Variants in ADGRD2 observed in about 807,000 individuals in gnomAD.
ADGRD2 encodes the protein G protein-coupled receptor PGR24.
ADGRD2 carries 71 observed loss-of-function variants against 44.4 expected under a neutral mutation model. That is an observed-to-expected ratio of 1.60 (90% CI 1.32 to 1.95). ADGRD2 has a LOEUF of 1.95. Among genes scored for constraint, ADGRD2 ranks in the 30% most tolerant of loss-of-function variants. The pLI, the probability that ADGRD2 is intolerant of heterozygous loss-of-function variation, is 0.00. For synonymous variants in ADGRD2, 481 were observed against 224.8 expected (o/e 2.14, Z -10.19); for missense variants, 1,039 against 512.4 (o/e 2.03, Z -9.92).
rs528783137 is a variant in ADGRD2 at position 124,457,500 on chromosome 9, G to A, written c.1536G>A (p.Arg512=). The change falls in exon 8 of 22, where the codon AGG becomes AGA. Residue 512 remains arginine (R), a synonymous_variant. Transcript: ENST00000334810. The stretch of plus-strand genomic sequence containing the variant: ...TGGAGGTGCGGAGCTTACGCTTGAG[G>A]GAGGCCAGCACGAGGGGCTGCTTAT... 930 of 670,442 alleles carry A rather than the reference G, an allele frequency of 1.4e-3. 3 individuals are homozygous for A. The highest frequency in any genetic ancestry group is 1.9e-3 in the Non-Finnish European group (694 of 367,210). The allele number at this position is 670,442 out of a possible 1,614,324, so 41.5% of individuals were successfully genotyped here.
chr9:124,456,833 T>C, intron 7 of ADGRD2, 100 bp downstream of exon 10: 2 of 681,172 alleles, frequency 2.9e-6, no homozygotes, highest in South Asian at 3.1e-5. Flanking sequence ...CTCCATTCTA[T>C]TTCCTGCCTT....
chr9:124,470,453 A>G, intron 16 of ADGRD2, 41 bp from the exon 20 acceptor site: 1 of 696,742 alleles, frequency 1.4e-6, no homozygotes, highest in Non-Finnish European at 2.6e-6. Context: ...GGAGCTCCCC[A>G]GGCCTCCCAA....
exon 10 of ADGRD2, chr9:124,458,654 C>T (rs1374446728): frequency 1.4e-6 from 1 of 718,846 alleles, no homozygotes; most frequent in South Asian, 1.5e-5. Context: ...ATCATCTCCT[C>T]TGAAGTGTGG....
rs545086542 is a variant in ADGRD2, at chr9:124,468,104, C to A, written c.2149C>A (p.Arg717=). Residue 717 remains arginine, a synonymous_variant, in exon 13 of 22, where the codon CGA becomes AGA. Coordinates refer to ENST00000334810, the Ensembl canonical transcript of ADGRD2. Reference sequence around the variant, plus strand: ...CCTCTCCAGGGTCCCCAAGTCAGAGCGAACCACAGTCCACAAGAACCTCAC... The same window carrying A: ...CCTCTCCAGGGTCCCCAAGTCAGAGAGAACCACAGTCCACAAGAACCTCAC... The A allele has an allele frequency of 1.0e-4, 75 of 718,518 alleles. No homozygotes were observed. In the African/African-American group the frequency reaches 1.2e-3, roughly 12 times the overall value. The allele number at this position is 718,518 out of a possible 1,614,324, so 44.5% of individuals were successfully genotyped here. A position where few individuals can be genotyped will look rare whatever the true frequency, so the allele number is the denominator to read the frequency against.
chr9:124,472,463 GTTTGTTT>G (rs1831965856), intron 17 of ADGRD2, among the ~76,000 whole-genome samples: 1 of 128,196 alleles, frequency 7.8e-6, no homozygotes, highest in African/African-American at 3.4e-5. Flanking sequence ...TTTGTTTTTT[GTTTGTTT>G]TTTGTTTTTG....
At chr9:124,472,757 C>G (rs1831975265) in intron 17 of ADGRD2, among the ~76,000 whole-genome samples, 1 of 152,238 alleles carries the variant, frequency 6.6e-6, no homozygotes, top group African/African-American at 2.4e-5. Context: ...ATCCTCCCGC[C>G]TCGGCCTCCC....
At chr9:124,466,396 C>A (rs893442420) in exon 11 of ADGRD2, 1 of 716,202 alleles carries the variant, frequency 1.4e-6, no homozygotes, top group South Asian at 1.5e-5. Context: ...CATCCTGCTG[C>A]AAATCTATGA....
intron 10 of ADGRD2, among the ~76,000 whole-genome samples, chr9:124,462,830 GTC>G (rs1376284843): frequency 6.6e-6 from 1 of 152,002 alleles, no homozygotes; most frequent in East Asian, 1.9e-4. Flanking sequence ...TGCTCATGTT[GTC>G]TGCCAATAAA....
chr9:124,474,954 A>T (rs1476150706), intron 17 of ADGRD2, among the ~76,000 whole-genome samples: 1 of 152,142 alleles, frequency 6.6e-6, no homozygotes, highest in Non-Finnish European at 1.5e-5. Context: ...ATCCCCTCAG[A>T]ACCCAAGTCC....
chr9:124,468,746 G>A (rs1588607374), intron 14 of ADGRD2, 74 bp downstream of exon 17: 1 of 654,560 alleles, frequency 1.5e-6, no homozygotes, highest in Non-Finnish European at 2.8e-6. Flanking sequence ...CATCTAACAT[G>A]GCCCCACACC....
intron 2 of ADGRD2, 85 bp from the exon 6 acceptor site, chr9:124,452,950 G>A (rs1831518929): frequency 1.7e-6 from 1 of 605,218 alleles, no homozygotes. Flanking sequence ...AAGCCTGGAA[G>A]GACCCCACCG....
exon 14 of ADGRD2, chr9:124,468,545 A>G: frequency 1.4e-6 from 1 of 718,564 alleles, no homozygotes; most frequent in Non-Finnish European, 2.6e-6. Context: ...TCACAGTCGC[A>G]ATGCACTTCC....
At chr9:124,476,490 C>T in intron 20 of ADGRD2, 75 bp downstream of exon 23, 1 of 674,954 alleles carries the variant, frequency 1.5e-6, no homozygotes, top group Non-Finnish European at 2.7e-6. Context: ...AGTCGGGAAG[C>T]CACAGGGCCT....
chr9:124,472,309 C>T (rs1324949023), intron 17 of ADGRD2, among the ~76,000 whole-genome samples: 2 of 152,180 alleles, frequency 1.3e-5, no homozygotes, highest in Non-Finnish European at 2.9e-5. Flanking sequence ...CTGTCCCCCT[C>T]TCCCTGTGCC....
At chr9:124,453,964 C>T (rs751135057) in intron 3 of ADGRD2, 35 bp from the exon 7 acceptor site, 80 of 637,356 alleles carry the variant, frequency 1.3e-4, no homozygotes, top group Non-Finnish European at 2.1e-4. Context: ...CCAGGGTCCC[C>T]TAGGGAGCCC....
At chr9:124,453,857 T>TGCCCCCCCCCCCCAAACCCCCCCCCC in intron 3 of ADGRD2, 142 bp from the exon 7 acceptor site, 1 of 587,896 alleles carries the variant, frequency 1.7e-6, no homozygotes, top group Non-Finnish European at 3.0e-6. Flanking sequence ...TCTGCGCTCG[T>TGCCCCCCCCCCCCAAACCCCCCCCCC]CCCCCGGCCC....
intron 14 of ADGRD2, among the ~76,000 whole-genome samples, chr9:124,468,889 C>A (rs904207414): frequency 6.6e-6 from 1 of 152,078 alleles, no homozygotes; most frequent in Admixed American, 6.5e-5. Flanking sequence ...TACCCATCCC[C>A]ATTCCTCATA....
At position 124,476,811 on chromosome 9, in the gene ADGRD2, A is replaced by T. The variant is rs140518976; in HGVS notation, c.*18+102A>T. ...GAAGTGATTTCAAATTAATACGCCC[A>T]ACCTCCCGCAATTGCAGAGGCCCTC... On this transcript the variant is annotated intron_variant, in intron 21 of 21. Coordinates refer to ENST00000334810, the Ensembl canonical transcript of ADGRD2. 4.0e-3 allele frequency: 2,691 copies of T among 671,592 alleles called. 58 individuals are homozygous for T. In the African/African-American group the frequency reaches 0.043, roughly 11 times the overall value. The allele number at this position is 671,592 out of a possible 1,614,324, so 41.6% of individuals were successfully genotyped here. A position where few individuals can be genotyped will look rare whatever the true frequency, so the allele number is the denominator to read the frequency against.
At chr9:124,451,483 C>A (rs1344714741), upstream of ADGRD2, 4 of 347,794 alleles carry the variant, frequency 1.2e-5, no homozygotes, top group Non-Finnish European at 2.3e-5. Context: ...GGGCTTCCAG[C>A]CCACTGGTTG....
Sources: allele counts gnomAD v4.1 joint callset (sites outside exome capture counted in the v4.1 genomes callset), GRCh38; gene constraint gnomAD v4.1.1; transcripts MANE v1.5; gene names NCBI Gene and HGNC (gene_info 2026-07-23, HGNC 2026-07-21).